CIMAP3: variants seen among roughly 807,000 people sequenced by gnomAD.
CIMAP3 encodes ciliary microtubule-associated protein 3.
At chr1:111,328,931 G>A in the CIMAP3 span, among the ~76,000 whole-genome samples, 1,114 of 152,212 alleles carry the variant, frequency 7.3e-3, 8 homozygotes, top group Middle Eastern at 0.051. Flanking sequence ...TTGTTTAGTT[G>A]CTTTACAATT....
chr1:111,336,750 G>A, the CIMAP3 span, among the ~76,000 whole-genome samples: 1 of 152,206 alleles, frequency 6.6e-6, no homozygotes, highest in East Asian at 1.9e-4. Context: ...CGGGGAGAAT[G>A]GAACCAAGTT....
At chr1:111,333,742 G>T in the CIMAP3 span, among the ~76,000 whole-genome samples, 16 of 152,278 alleles carry the variant, frequency 1.1e-4, no homozygotes, top group East Asian at 2.9e-3. Flanking sequence ...CTCCCCCACT[G>T]TACTATAGCA....
chr1:111,338,530 C>T, the CIMAP3 span, among the ~76,000 whole-genome samples: 33 of 151,986 alleles, frequency 2.2e-4, no homozygotes, highest in African/African-American at 5.6e-4. Flanking sequence ...ATATCACCAC[C>T]GATCCCACAG....
At chr1:111,335,772 G>C in the CIMAP3 span, among the ~76,000 whole-genome samples, 1 of 152,262 alleles carries the variant, frequency 6.6e-6, no homozygotes, top group African/African-American at 2.4e-5. Flanking sequence ...CTGCGGGCAA[G>C]GCACAGACCA....
the CIMAP3 span, among the ~76,000 whole-genome samples, chr1:111,337,575 C>G: frequency 1.3e-5 from 2 of 151,890 alleles, no homozygotes; most frequent in Admixed American, 1.3e-4. Flanking sequence ...AGACTTTAAA[C>G]CAACAAAGAT....
At chr1:111,347,571 A>T in the CIMAP3 span, 1 of 697,096 alleles carries the variant, frequency 1.4e-6, no homozygotes, top group Non-Finnish European at 2.5e-6. Flanking sequence ...CACTAAGCTC[A>T]CTCCATTTCG....
At chr1:111,347,934 T>G in the CIMAP3 span, among the ~76,000 whole-genome samples, 1 of 152,206 alleles carries the variant, frequency 6.6e-6, no homozygotes, top group African/African-American at 2.4e-5. Flanking sequence ...TCTGAAAAGC[T>G]TGGGCATTAA....
chr1:111,329,708 C>T, the CIMAP3 span, among the ~76,000 whole-genome samples: 5 of 151,602 alleles, frequency 3.3e-5, no homozygotes, highest in East Asian at 9.7e-4. Context: ...GCATGCACCA[C>T]CATGCCTGGC....
the CIMAP3 span, chr1:111,348,473 T>TAC: frequency 6.5e-7 from 1 of 1,537,230 alleles, no homozygotes. Context: ...TGTATATATA[T>TAC]ACATATCACT....
chr1:111,341,539 C>T, the CIMAP3 span, among the ~76,000 whole-genome samples: 2 of 152,154 alleles, frequency 1.3e-5, no homozygotes, highest in Non-Finnish European at 2.9e-5. Flanking sequence ...CTTCGCAAGT[C>T]ACCGTCTCCC....
At chr1:111,330,899 T>C in the CIMAP3 span, among the ~76,000 whole-genome samples, 3 of 152,374 alleles carry the variant, frequency 2.0e-5, no homozygotes, top group East Asian at 5.8e-4. Flanking sequence ...TGGGGACCCA[T>C]GGGAGATGAG....
the CIMAP3 span, among the ~76,000 whole-genome samples, chr1:111,330,951 A>G: frequency 9.5e-4 from 145 of 152,280 alleles, 1 homozygote; most frequent in South Asian, 0.029. Flanking sequence ...AAATATCTTT[A>G]CTGGGAATAA....
the CIMAP3 span, among the ~76,000 whole-genome samples, chr1:111,336,852 CA>C: frequency 6.6e-6 from 1 of 151,950 alleles, no homozygotes; most frequent in African/African-American, 2.4e-5. Flanking sequence ...GAGAACACCA[CA>C]AAGATACTCC....
the CIMAP3 span, among the ~76,000 whole-genome samples, chr1:111,339,868 A>G: frequency 6.6e-6 from 1 of 151,810 alleles, no homozygotes; most frequent in African/African-American, 2.4e-5. Context: ...TAAAGTTCAT[A>G]TGGAACCAAA....
At chr1:111,350,637 G>A in the CIMAP3 span, among the ~76,000 whole-genome samples, 1 of 152,168 alleles carries the variant, frequency 6.6e-6, no homozygotes, top group Non-Finnish European at 1.5e-5. Context: ...AGAGAATTCA[G>A]CTAAGAGCAT....
At chr1:111,351,627 C>T in the CIMAP3 span, 1 of 238,064 alleles carries the variant, frequency 4.2e-6, no homozygotes, top group Non-Finnish European at 8.1e-6. Context: ...AGTTCTAATT[C>T]CCAGGAGCCA....
At chr1:111,346,055 T>C in the CIMAP3 span, among the ~76,000 whole-genome samples, 3 of 152,010 alleles carry the variant, frequency 2.0e-5, no homozygotes, top group Non-Finnish European at 4.4e-5. Context: ...TTCCGTGGCA[T>C]TCTACCCGGT....
At chr1:111,325,976 A>G in the CIMAP3 span, among the ~76,000 whole-genome samples, 2 of 152,184 alleles carry the variant, frequency 1.3e-5, no homozygotes, top group African/African-American at 4.8e-5. Flanking sequence ...ACAAATTACA[A>G]GCCATTGAAA....
the CIMAP3 span, among the ~76,000 whole-genome samples, chr1:111,337,645 ACTAT>A: frequency 1.3e-5 from 2 of 152,224 alleles, no homozygotes; most frequent in East Asian, 3.8e-4. Flanking sequence ...AGAAGAGCTA[ACTAT>A]CCTAAATACA....
Sources: gnomAD v4.1 joint callset for allele counts (sites outside exome capture counted in the v4.1 genomes callset) on GRCh38, gnomAD v4.1.1 for gene constraint, MANE v1.5 for transcripts, NCBI Gene and HGNC (gene_info 2026-07-23, HGNC 2026-07-21) for gene names.